The following CPED1 variants were observed in gnomAD, a reference collection of about 807,000 sequenced individuals.
CPED1 encodes the protein cadherin-like and PC-esterase domain-containing protein 1.
Under a neutral mutation model 128.2 loss-of-function variants are expected in CPED1, and 114 were observed. The observed-to-expected ratio is 0.89, with a 90% CI of 0.76 to 1.04. The LOEUF (loss-of-function observed/expected upper bound fraction) is 1.04, where lower values mean the gene tolerates loss of function less well. Ranked by LOEUF, CPED1 falls within the 50% of genes least tolerant of loss-of-function variation. The pLI is 0.00. For synonymous variants in CPED1, 462 were observed against 426.7 expected (o/e 1.08, Z -1.02); for missense variants, 1,211 against 1,207.1 (o/e 1.00, Z -0.05).
intron 5 of CPED1, among the ~76,000 whole-genome samples, chr7:121,082,418 A>G (rs988398245): frequency 6.6e-6 from 1 of 152,202 alleles, no homozygotes; most frequent in Non-Finnish European, 1.5e-5. Flanking sequence ...TTAGAAAGAA[A>G]TAGGCAAGTA....
chr7:121,120,579 A>T (rs1795359500), intron 7 of CPED1, among the ~76,000 whole-genome samples: 2 of 152,182 alleles, frequency 1.3e-5, no homozygotes, highest in African/African-American at 4.8e-5. Context: ...GTTAAACATG[A>T]CATTCTGCTC....
chr7:121,243,548 T>C (rs10500083), intron 17 of CPED1, among the ~76,000 whole-genome samples: 47,542 of 152,062 alleles, frequency 0.31, 7,716 homozygotes, highest in Middle Eastern at 0.45. Flanking sequence ...ATATTGCAAA[T>C]GTGTCTTAAA....
intron 5 of CPED1, among the ~76,000 whole-genome samples, chr7:121,092,699 G>A (rs1794602310): frequency 6.6e-6 from 1 of 152,144 alleles, no homozygotes; most frequent in South Asian, 2.1e-4. Context: ...TAGGGGGTAG[G>A]AGCTTGTTCA....
intron 16 of CPED1, among the ~76,000 whole-genome samples, chr7:121,166,520 ACT>A (rs754632724): frequency 1.3e-5 from 2 of 152,032 alleles, no homozygotes; most frequent in African/African-American, 2.4e-5. Flanking sequence ...CTAACATCTC[ACT>A]CAGGAAAAAA....
intron 16 of CPED1, among the ~76,000 whole-genome samples, chr7:121,158,829 C>T (rs530379421): frequency 6.6e-6 from 1 of 152,224 alleles, no homozygotes; most frequent in South Asian, 2.1e-4. Context: ...TTTCTTTAGA[C>T]ACTTCCATGT....
chr7:121,077,850 T>A (rs1350258464), intron 5 of CPED1, among the ~76,000 whole-genome samples: 1 of 151,998 alleles, frequency 6.6e-6, no homozygotes, highest in African/African-American at 2.4e-5. Flanking sequence ...TCACATACGT[T>A]TAAAATTTTT....
chr7:121,046,965 T>G lies in CPED1; in HGVS notation c.512T>G (p.Val171Gly). 1 of 1,612,558 alleles carries G rather than the reference T, an allele frequency of 6.2e-7. No individual in the cohort carries two copies. Residue 171 changes from valine to glycine, a missense_variant, in exon 4 of 23, where the codon GTC becomes GGC. Physicochemically the swap from Val to Gly is moderately radical, Grantham distance 109. Coordinates refer to ENST00000310396, the MANE Select transcript of CPED1 (RefSeq NM_024913.5). ...GGAACACCCTGTATATCCAAGGAAG[T>G]CATGTGCCAGTTAGGTTTACATCAA... is the stretch of plus-strand genomic sequence containing the variant. ...AEGTPCISKEVMCQLGLHQKA... is the reference protein window; with the variant it reads ...AEGTPCISKEGMCQLGLHQKA...
chr7:121,033,140 A>G (rs1792780497), intron 3 of CPED1, among the ~76,000 whole-genome samples: 1 of 152,196 alleles, frequency 6.6e-6, no homozygotes, highest in African/African-American at 2.4e-5. Context: ...ATTTTAACTG[A>G]GGCCAACTAC....
chr7:121,139,983 C>A (rs79204412), intron 14 of CPED1, among the ~76,000 whole-genome samples: 304 of 152,002 alleles, frequency 2.0e-3, no homozygotes, highest in Non-Finnish European at 3.6e-3. Flanking sequence ...ATGAAATACT[C>A]CTTGACATTT....
In CPED1 at chr7:121,187,786, GA is replaced by G. The variant is rs1220007438; in HGVS notation, c.2055+45646del. Among the ~76,000 whole-genome samples the G allele has an allele frequency of 2.5e-4, 38 of 152,236 alleles. 1 individual carries two copies. The highest frequency in any genetic ancestry group is 8.7e-4 in the African/African-American group (36 of 41,564). On this transcript the variant is annotated intron_variant, in intron 16 of 22. Transcript: ENST00000310396. Reference sequence around the variant, plus strand: ...TACTAACCAGCAGGGACAAAGAGATGAGCTGGCTTTTCAGGCCCTATTGCCC... The same window carrying G: ...TACTAACCAGCAGGGACAAAGAGATGGCTGGCTTTTCAGGCCCTATTGCCC...
intron 3 of CPED1, among the ~76,000 whole-genome samples, chr7:121,044,330 C>T (rs535968776): frequency 3.3e-5 from 5 of 152,110 alleles, no homozygotes; most frequent in South Asian, 2.1e-4. Context: ...GGATTCAATG[C>T]GGGTAACAGT....
chr7:121,271,431 G>A lies in CPED1; in HGVS notation c.2868+1G>A. On this transcript the variant is annotated splice_donor_variant, in intron 22 of 22. Transcript: ENST00000310396. LOFTEE classifies it high-confidence loss of function. ...GAAGTGTGGATGTCATTTCCATGAG[G>A]TATTTATGCTGGCTATCTGAGTTTT... The A allele has an allele frequency of 6.2e-7, 1 of 1,610,782 alleles. No individual in the cohort carries two copies. The highest frequency in any genetic ancestry group is 8.5e-7 in the Non-Finnish European group (1 of 1,178,362).
intron 7 of CPED1, among the ~76,000 whole-genome samples, chr7:121,120,518 A>G (rs930217677): frequency 1.3e-5 from 2 of 152,198 alleles, no homozygotes; most frequent in East Asian, 3.9e-4. Flanking sequence ...GTTCTTTGAC[A>G]CATAGTAACA....
chr7:121,098,343 T>G (rs963724059), intron 6 of CPED1, among the ~76,000 whole-genome samples: 1 of 152,148 alleles, frequency 6.6e-6, no homozygotes, highest in African/African-American at 2.4e-5. Context: ...CAAATAAGTT[T>G]GCCTCATCTA....
intron 16 of CPED1, among the ~76,000 whole-genome samples, chr7:121,225,090 A>G (rs1355146097): frequency 1.3e-5 from 2 of 152,060 alleles, no homozygotes; most frequent in African/African-American, 4.8e-5. Context: ...ACAATTTGGC[A>G]TGTTTTTGCA....
chr7:121,261,869 G>T (rs530726992), intron 18 of CPED1: 1 of 697,840 alleles, frequency 1.4e-6, no homozygotes, highest in African/African-American at 1.9e-5. Context: ...ATGCAACCAA[G>T]AAACTGGAAA....
intron 3 of CPED1, among the ~76,000 whole-genome samples, chr7:121,032,500 C>T (rs191234859): frequency 4.2e-4 from 47 of 110,932 alleles, no homozygotes; most frequent in African/African-American, 1.6e-3. Context: ...CAAATGGACA[C>T]AGGGTGGGGA....
intron 18 of CPED1, among the ~76,000 whole-genome samples, chr7:121,256,132 A>AAAAC (rs1791864392): frequency 1.4e-5 from 2 of 147,968 alleles, no homozygotes; most frequent in African/African-American, 5.1e-5. Flanking sequence ...AACAAAACAA[A>AAAAC]AAAAAAAAAC....
At chr7:121,006,977 AG>A (rs1233908280) in intron 2 of CPED1, among the ~76,000 whole-genome samples, 1 of 152,154 alleles carries the variant, frequency 6.6e-6, no homozygotes, top group Non-Finnish European at 1.5e-5. Flanking sequence ...GGGGAGGTGG[AG>A]GCTGGCAGAC....
Sources: gnomAD v4.1 joint callset for allele counts (sites outside exome capture counted in the v4.1 genomes callset) on GRCh38, gnomAD v4.1.1 for gene constraint, MANE v1.5 for transcripts, NCBI Gene and HGNC (gene_info 2026-07-23, HGNC 2026-07-21) for gene names.